The following ACBD6 variants were observed in gnomAD, a reference collection of about 807,000 sequenced individuals.
ACBD6 encodes acyl-CoA binding domain containing 6, also known as acyl-CoA-binding domain-containing protein 6.
ACBD6 carries 28 observed loss-of-function variants against 37.2 expected under a neutral mutation model. That is an observed-to-expected ratio of 0.75 (90% CI 0.56 to 1.03). The LOEUF (loss-of-function observed/expected upper bound fraction) is 1.03, where lower values mean the gene tolerates loss of function less well. ACBD6 is among the 50% of genes least tolerant of loss of function. The pLI is 0.00. For synonymous variants in ACBD6, 113 were observed against 126.8 expected (o/e 0.89, Z 0.73); for missense variants, 340 against 337.4 (o/e 1.01, Z -0.06).
At chr1:180,278,798 G>GAAAT (rs1393022164) in intron 9 of ACBD6, 1 of 145,544 alleles carries the variant, frequency 6.9e-6, no homozygotes, top group Non-Finnish European at 1.5e-5. Context: ...CAGTTAAAGA[G>GAAAT]AAATGAAGTC....
chr1:180,453,117 A>C (rs966216647), intron 3 of ACBD6, among the ~76,000 whole-genome samples: 1 of 152,266 alleles, frequency 6.6e-6, no homozygotes, highest in Non-Finnish European at 1.5e-5. Context: ...CAACAGAAAA[A>C]GAAAATTTCA....
intron 3 of ACBD6, among the ~76,000 whole-genome samples, chr1:180,453,850 C>T (rs1364421341): frequency 6.6e-6 from 1 of 152,136 alleles, no homozygotes; most frequent in Non-Finnish European, 1.5e-5. Context: ...TGAAGGACCT[C>T]TTCAAAGAGA....
chr1:180,443,725 G>A (rs899737486), intron 3 of ACBD6, among the ~76,000 whole-genome samples: 19 of 151,176 alleles, frequency 1.3e-4, no homozygotes, highest in Non-Finnish European at 5.9e-5. Flanking sequence ...CCATTCTCCC[G>A]CCTCAGCCTC....
At chr1:180,411,517 C>T (rs757363865) in intron 5 of ACBD6, among the ~76,000 whole-genome samples, 4 of 152,124 alleles carry the variant, frequency 2.6e-5, no homozygotes, top group African/African-American at 7.2e-5. Flanking sequence ...GACCTTTTAC[C>T]GCAAGAAGAT....
At chr1:180,438,147 C>T (rs1205522850) in intron 3 of ACBD6, among the ~76,000 whole-genome samples, 4 of 152,150 alleles carry the variant, frequency 2.6e-5, no homozygotes, top group Non-Finnish European at 5.9e-5. Flanking sequence ...CTAGGTTACG[C>T]ACTCCTTATG....
At chr1:180,419,068 G>A (rs1428905056) in intron 4 of ACBD6, among the ~76,000 whole-genome samples, 6 of 152,312 alleles carry the variant, frequency 3.9e-5, no homozygotes, top group South Asian at 4.1e-4. Context: ...TCGCTAACAC[G>A]GTGAAACCCC....
At chr1:180,271,613 C>T in exon 14 of ACBD6, 1 of 1,565,296 alleles carries the variant, frequency 6.4e-7, no homozygotes, top group African/African-American at 1.4e-5. Flanking sequence ...GTGACATCAG[C>T]TCACGGGTGG....
exon 14 of ACBD6, chr1:180,271,368 T>C: frequency 6.2e-7 from 1 of 1,613,880 alleles, no homozygotes; most frequent in Non-Finnish European, 8.5e-7. Flanking sequence ...AAGCAGTGGT[T>C]TTTCCTTGCA....
intron 6 of ACBD6, among the ~76,000 whole-genome samples, chr1:180,344,648 T>A (rs1313440559): frequency 6.6e-6 from 1 of 152,096 alleles, no homozygotes; most frequent in African/African-American, 2.4e-5. Context: ...TTTACAAACA[T>A]CATTTCTTTT....
chr1:180,429,279 TG>T (rs937789124), intron 4 of ACBD6, among the ~76,000 whole-genome samples: 1 of 152,182 alleles, frequency 6.6e-6, no homozygotes, highest in Admixed American at 6.5e-5. Flanking sequence ...ACCATTTTAC[TG>T]TCTCTCTGAT....
At chr1:180,500,512 A>C (rs1350297755) in intron 1 of ACBD6, among the ~76,000 whole-genome samples, 1 of 151,148 alleles carries the variant, frequency 6.6e-6, no homozygotes, top group Admixed American at 6.6e-5. Context: ...GGCGAACATG[A>C]TGAAACCCCG....
Position 180,407,040 on chromosome 1 carries a change from A to AT in ACBD6, c.573+6325dup, listed in dbSNP as rs140111979. On this transcript the variant is annotated intron_variant, in intron 5 of 7. Coordinates refer to ENST00000367595, the MANE Select transcript of ACBD6 (RefSeq NM_032360.4). ...GCTTTAAATGTGATGAAGCAATACT[A>AT]TTTATTTTATTTTGGGATGTTAAGT... Among the ~76,000 whole-genome samples the AT allele has an allele frequency of 6.7e-3, 1,014 of 152,146 alleles. 17 individuals are homozygous for AT. Among genetic ancestry groups the AT allele is most frequent in the African/African-American group, 0.023 (968 of 41,448 alleles).
chr1:180,414,008 C>T (rs1647972970), intron 4 of ACBD6, among the ~76,000 whole-genome samples: 1 of 152,164 alleles, frequency 6.6e-6, no homozygotes, highest in South Asian at 2.1e-4. Context: ...TCACTTAGAC[C>T]AACTGATTTT....
chr1:180,479,491 G>A (rs971478232), intron 3 of ACBD6, among the ~76,000 whole-genome samples: 3 of 152,042 alleles, frequency 2.0e-5, no homozygotes, highest in African/African-American at 7.2e-5. Flanking sequence ...GAGACTGGGA[G>A]GGGCAAGTAG....
chr1:180,382,776 C>T (rs1653706392), intron 6 of ACBD6, among the ~76,000 whole-genome samples: 1 of 152,252 alleles, frequency 6.6e-6, no homozygotes, highest in East Asian at 1.9e-4. Context: ...AGGCCAATAT[C>T]CCTGATGAAC....
chr1:180,305,447 C>G (rs1252572894), intron 7 of ACBD6, among the ~76,000 whole-genome samples: 1 of 152,006 alleles, frequency 6.6e-6, no homozygotes, highest in Non-Finnish European at 1.5e-5. Context: ...CAAAGGATAT[C>G]AATAGACACT....
chr1:180,431,631 T>G (rs1339806723), intron 3 of ACBD6, among the ~76,000 whole-genome samples: 1 of 152,212 alleles, frequency 6.6e-6, no homozygotes, highest in Non-Finnish European at 1.5e-5. Flanking sequence ...GAGGAACGTG[T>G]ACAAAGGGAG....
intron 4 of ACBD6, among the ~76,000 whole-genome samples, chr1:180,420,547 G>A (rs1466456623): frequency 6.6e-6 from 1 of 152,208 alleles, no homozygotes; most frequent in Admixed American, 6.5e-5. Flanking sequence ...TAGAGATGTT[G>A]TATTTGGGAG....
chr1:180,421,075 T>C lies in ACBD6; in HGVS notation c.468-7604A>G, dbSNP rs566336623. Among the ~76,000 whole-genome samples the C allele has an allele frequency of 2.0e-5, 3 of 152,214 alleles. No homozygotes were observed. In the East Asian group the frequency reaches 5.8e-4, roughly 29 times the overall value. On this transcript the variant is annotated intron_variant, in intron 4 of 7. Transcript: ENST00000367595. ...TGTGCAGGTTTGCTACATATGTAAATAGGTGCCATGGTGGTTTGCTGCACA... is the reference window on the plus strand; with the variant it reads ...TGTGCAGGTTTGCTACATATGTAAACAGGTGCCATGGTGGTTTGCTGCACA...
Sources: allele counts gnomAD v4.1 joint callset (sites outside exome capture counted in the v4.1 genomes callset), GRCh38; gene constraint gnomAD v4.1.1; transcripts MANE v1.5; gene names NCBI Gene and HGNC (gene_info 2026-07-23, HGNC 2026-07-21).